The following BCAS3 variants were observed in gnomAD, a reference collection of about 807,000 sequenced individuals.
The protein encoded by BCAS3 is BCAS4/BCAS3 fusion.
A neutral mutation model predicts 116.1 loss-of-function variants in BCAS3; 53 were observed. The observed-to-expected ratio is 0.46, with a 90% CI of 0.37 to 0.57. The LOEUF is 0.57. BCAS3 is among the 20% of genes least tolerant of loss of function. The pLI, the probability that BCAS3 is intolerant of heterozygous loss-of-function variation, is 0.00. For synonymous variants in BCAS3, 391 were observed against 408.2 expected, an observed-to-expected ratio of 0.96 and a Z score of 0.51; for missense variants, 917 against 1,165.4, an observed-to-expected ratio of 0.79 and a Z score of 3.10.
Position 61,278,452 on chromosome 17 carries a change from G to GGTGT in BCAS3, c.2426-89871_2426-89868dup, listed in dbSNP as rs1270807650. Among the ~76,000 whole-genome samples, 3 of 152,186 alleles carry GGTGT rather than the reference G, an allele frequency of 2.0e-5. No individual in the cohort carries two copies. Among genetic ancestry groups the GGTGT allele is most frequent in the African/African-American group, 7.2e-5 (3 of 41,442 alleles). ...GGCCTCCCACAGTGCTGGGTTTACA[G>GGTGT]GTGTGTGCCACCATGCCCAGCCTCT... On this transcript the variant is annotated intron_variant, in intron 22 of 23. Coordinates refer to ENST00000407086, the MANE Select transcript of BCAS3 (RefSeq NM_017679.5). This position sits in a 1 kb window ranked among gnomAD's most constrained non-coding sequence, Gnocchi z 5.8.
intron 22 of BCAS3, chr17:61,157,594 C>T: frequency 6.6e-6 from 1 of 150,454 alleles, no homozygotes; most frequent in East Asian, 2.0e-4. Context: ...CTCTCTCTCT[C>T]TCTCTTCCCC....
chr17:60,999,751 C>A (rs1020816321), intron 15 of BCAS3, among the ~76,000 whole-genome samples: 1 of 152,044 alleles, frequency 6.6e-6, no homozygotes, highest in Non-Finnish European at 1.5e-5. Flanking sequence ...TGATAATGGA[C>A]ATTTTAACAA....
chr17:60,902,126 G>C lies in BCAS3; in HGVS notation c.739-494G>C, dbSNP rs756158321. ...TATACTTGTCATAGTTGATTTATGC[G>C]TAATTTGTAATGCTTTTCCACTGAC... On this transcript the variant is annotated intron_variant, in intron 10 of 23. Transcript: ENST00000407086. Among the ~76,000 whole-genome samples, 3 of 152,298 alleles carry C rather than the reference G, an allele frequency of 2.0e-5. No homozygotes were observed. In the East Asian group the frequency reaches 5.8e-4, roughly 29 times the overall value.
At chr17:60,992,182 G>T (rs2063563333) in intron 15 of BCAS3, among the ~76,000 whole-genome samples, 1 of 115,436 alleles carries the variant, frequency 8.7e-6, no homozygotes, top group Non-Finnish European at 1.7e-5. Flanking sequence ...CGTAGTATCC[G>T]ATGACTTACA....
intron 6 of BCAS3, among the ~76,000 whole-genome samples, chr17:60,764,567 G>C (rs1302567195): frequency 6.6e-6 from 1 of 152,144 alleles, no homozygotes; most frequent in Non-Finnish European, 1.5e-5. Flanking sequence ...GAGACAGTTT[G>C]TTGTGATTTC....
Position 61,021,267 on chromosome 17 carries a change from C to G in BCAS3, c.1637+5366C>G, listed in dbSNP as rs912085863. Among the ~76,000 whole-genome samples, 2 of 152,052 alleles carry G rather than the reference C, an allele frequency of 1.3e-5. No homozygotes were observed. The highest frequency in any genetic ancestry group is 2.4e-5 in the African/African-American group (1 of 41,394). The stretch of plus-strand genomic sequence containing the variant: ...TAGAGATTGGGTTTCTCTATGTTGC[C>G]CAAGCTGGTCTTGAACTCCTGGTCT... On this transcript the variant is annotated intron_variant, in intron 16 of 23. Transcript: ENST00000407086. The surrounding 1 kb of genome is among the most constrained non-coding windows in gnomAD (Gnocchi z 4.6).
intron 7 of BCAS3, among the ~76,000 whole-genome samples, chr17:60,833,208 G>A (rs2144731353): frequency 6.6e-6 from 1 of 152,212 alleles, no homozygotes; most frequent in South Asian, 2.1e-4. Context: ...CAAATAGTCT[G>A]CCCTTGTGCA....
chr17:61,331,908 C>T (rs2143120793), intron 22 of BCAS3, among the ~76,000 whole-genome samples: 1 of 152,226 alleles, frequency 6.6e-6, no homozygotes, highest in Middle Eastern at 3.4e-3. Flanking sequence ...CTTTATCTGC[C>T]CATAACTGAG....
chr17:60,730,398 C>A (rs1447825757), intron 5 of BCAS3, among the ~76,000 whole-genome samples: 3 of 152,136 alleles, frequency 2.0e-5, no homozygotes, highest in Non-Finnish European at 4.4e-5. Context: ...TTGCTGTTTT[C>A]TTTATGTGGT....
At chr17:60,719,251 A>C (rs1366692285) in intron 5 of BCAS3, among the ~76,000 whole-genome samples, 2 of 152,236 alleles carry the variant, frequency 1.3e-5, no homozygotes, top group African/African-American at 4.8e-5. Flanking sequence ...GGTGATAGCG[A>C]ATCGTTTGTT....
chr17:61,265,522 A>G lies in BCAS3; in HGVS notation c.2426-102805A>G, dbSNP rs568332029. Among the ~76,000 whole-genome samples the G allele has an allele frequency of 1.4e-4, 21 of 152,290 alleles. No individual in the cohort carries two copies. The highest frequency in any genetic ancestry group is 1.3e-3 in the Admixed American group (20 of 15,290). On this transcript the variant is annotated intron_variant, in intron 22 of 23. Coordinates refer to ENST00000407086, the MANE Select transcript of BCAS3 (RefSeq NM_017679.5). The surrounding 1 kb of genome is among the most constrained non-coding windows in gnomAD (Gnocchi z 4.3). ...AGACGAATCAACATCTCCCTTGGAA[A>G]ATACTCTAGACCAAATTTCTGCTTC...
rs745889698 is a variant in BCAS3, at chr17:61,130,509, C to A, written c.2425+45945C>A. ...GCCTCTCTAACCCTGCCACCTCCCC[C>A]AGTTTATGTTACGTAATATGGTGAG... On this transcript the variant is annotated intron_variant, in intron 22 of 23. Coordinates refer to ENST00000407086, the MANE Select transcript of BCAS3 (RefSeq NM_017679.5). The surrounding 1 kb of genome is among the most constrained non-coding windows in gnomAD (Gnocchi z 5.0). Among the ~76,000 whole-genome samples the A allele has an allele frequency of 1.9e-4, 29 of 152,178 alleles. No homozygotes were observed. Among genetic ancestry groups the A allele is most frequent in the Admixed American group, 1.8e-3 (28 of 15,280 alleles).
At chr17:61,067,586 C>T (rs917196906) in intron 19 of BCAS3, among the ~76,000 whole-genome samples, 7 of 150,102 alleles carry the variant, frequency 4.7e-5, no homozygotes, top group South Asian at 2.1e-4. Context: ...GTGTGTGGTG[C>T]GCACCTGTAA....
chr17:61,284,022 C>T (rs2051492088), intron 22 of BCAS3, among the ~76,000 whole-genome samples: 1 of 152,188 alleles, frequency 6.6e-6, no homozygotes, highest in African/African-American at 2.4e-5. Flanking sequence ...GCCGGCTGGG[C>T]TTCTGGGTTG....
At chr17:60,788,781 A>G (rs2046505090) in intron 6 of BCAS3, among the ~76,000 whole-genome samples, 1 of 152,146 alleles carries the variant, frequency 6.6e-6, no homozygotes, top group Non-Finnish European at 1.5e-5. Context: ...AGTATTATTC[A>G]ATTCATAATG....
intron 12 of BCAS3, among the ~76,000 whole-genome samples, chr17:60,921,064 G>T (rs1025987123): frequency 4.0e-5 from 6 of 151,852 alleles, no homozygotes; most frequent in Non-Finnish European, 8.8e-5. Context: ...CCCACTAATG[G>T]GTATATACCC....
intron 7 of BCAS3, among the ~76,000 whole-genome samples, chr17:60,815,349 C>T (rs991975918): frequency 1.1e-4 from 16 of 151,704 alleles, no homozygotes; most frequent in African/African-American, 3.6e-4. Flanking sequence ...ATATAAATGA[C>T]GAGTTAATGG....
chr17:60,983,518 A>G (rs145227744), intron 14 of BCAS3, among the ~76,000 whole-genome samples: 3 of 152,218 alleles, frequency 2.0e-5, no homozygotes, highest in South Asian at 2.1e-4. Flanking sequence ...GCTCATTTAT[A>G]TATGCTGATA....
chr17:60,770,839 T>G (rs568021049), intron 6 of BCAS3, among the ~76,000 whole-genome samples: 63 of 67,750 alleles, frequency 9.3e-4, no homozygotes, highest in East Asian at 4.1e-3. Context: ...AATTTGTTTT[T>G]TTTTTTTTTT....
Sources: allele counts gnomAD v4.1 joint callset (sites outside exome capture counted in the v4.1 genomes callset), GRCh38; gene constraint gnomAD v4.1.1; non-coding constraint Gnocchi (gnomAD v3.1); transcripts MANE v1.5; gene names NCBI Gene and HGNC (gene_info 2026-07-23, HGNC 2026-07-21).